CLIC5: variants seen among roughly 807,000 people sequenced by gnomAD.
The protein encoded by CLIC5 is CLIC family member 5, also known as chloride intracellular channel protein 5.
CLIC5 carries 20 observed loss-of-function variants against 24.7 expected under a neutral mutation model. The ratio of observed to expected loss-of-function variants is 0.81; its 90% confidence interval spans 0.57 to 1.18. CLIC5 has a LOEUF of 1.18. Among genes scored for constraint, CLIC5 ranks in the 50% most tolerant of loss-of-function variants. The probability of loss-of-function intolerance (pLI) is 0.00; values close to 1 mark genes in which losing one functional copy is unlikely to be tolerated. For missense variants in CLIC5, 341 were observed against 326.1 expected (o/e 1.05, Z -0.35); for synonymous variants, 159 against 135.6 (o/e 1.17, Z -1.20).
chr6:46,115,977 A>G, the CLIC5 span, among the ~76,000 whole-genome samples: 2 of 152,366 alleles, frequency 1.3e-5, no homozygotes, highest in African/African-American at 4.8e-5. Context: ...TTTGGATATA[A>G]TTATAAAAAC....
chr6:46,073,277 T>C (rs1293237160), intron 1 of CLIC5, among the ~76,000 whole-genome samples: 1 of 152,124 alleles, frequency 6.6e-6, no homozygotes, highest in Non-Finnish European at 1.5e-5. Context: ...TATACTAAAA[T>C]AACAATCAAA....
intron 1 of CLIC5, among the ~76,000 whole-genome samples, chr6:45,993,835 C>T (rs1416170): frequency 0.59 from 90,276 of 152,090 alleles, 27,148 homozygotes; most frequent in East Asian, 0.77. Flanking sequence ...CCCAAATACA[C>T]GAATTCTTTC....
chr6:45,951,683 G>T (rs1764472601), intron 2 of CLIC5, among the ~76,000 whole-genome samples: 1 of 152,184 alleles, frequency 6.6e-6, no homozygotes, highest in African/African-American at 2.4e-5. Context: ...TTCCAAGACG[G>T]TGCTGGGATT....
intron 4 of CLIC5, chr6:45,937,562 C>T (rs1335328004): frequency 6.6e-6 from 1 of 152,240 alleles, no homozygotes; most frequent in African/African-American, 2.4e-5. Flanking sequence ...TTACAGCTCC[C>T]TGTAGATTGT....
At chr6:46,071,997 C>T (rs544690856) in intron 1 of CLIC5, among the ~76,000 whole-genome samples, 1 of 152,172 alleles carries the variant, frequency 6.6e-6, no homozygotes, top group South Asian at 2.1e-4. Context: ...GAAAACCAAA[C>T]ACCGCATGCT....
At chr6:45,885,865 A>G (rs907186673) in intron 6 of CLIC5, among the ~76,000 whole-genome samples, 1 of 152,226 alleles carries the variant, frequency 6.6e-6, no homozygotes, top group African/African-American at 2.4e-5. Context: ...AAATGTGGAG[A>G]TGGCCTAAGA....
At chr6:46,098,850 T>C in the CLIC5 span, among the ~76,000 whole-genome samples, 1 of 152,092 alleles carries the variant, frequency 6.6e-6, no homozygotes, top group Admixed American at 6.5e-5. Context: ...GTTTTAAGTG[T>C]GAACTGGATT....
chr6:45,940,976 A>T (rs1764110053), intron 4 of CLIC5, among the ~76,000 whole-genome samples: 1 of 152,210 alleles, frequency 6.6e-6, no homozygotes, highest in Non-Finnish European at 1.5e-5. Context: ...TTCTGTAGCC[A>T]ATGTCAGAAA....
chr6:46,106,327 C>CA, the CLIC5 span, among the ~76,000 whole-genome samples: 1 of 152,144 alleles, frequency 6.6e-6, no homozygotes, highest in Non-Finnish European at 1.5e-5. Context: ...AGGATGGTCT[C>CA]AATCTCTTGA....
At chr6:46,037,937 G>A (rs1006227963) in intron 1 of CLIC5, among the ~76,000 whole-genome samples, 1 of 152,188 alleles carries the variant, frequency 6.6e-6, no homozygotes, top group African/African-American at 2.4e-5. Flanking sequence ...ATTACATTGA[G>A]AAGATTAGGC....
the CLIC5 span, among the ~76,000 whole-genome samples, chr6:46,118,694 T>C: frequency 6.6e-6 from 1 of 152,236 alleles, no homozygotes; most frequent in African/African-American, 2.4e-5. Flanking sequence ...ATCTCTCAAA[T>C]ATTTTCCAGG....
intron 5 of CLIC5, chr6:45,912,249 A>T: frequency 1.0e-6 from 1 of 989,968 alleles, no homozygotes; most frequent in South Asian, 4.6e-5. Flanking sequence ...CTGGATCAGC[A>T]GAAATCCAAA....
At chr6:46,033,164 T>C (rs933787858) in intron 1 of CLIC5, among the ~76,000 whole-genome samples, 1 of 151,642 alleles carries the variant, frequency 6.6e-6, no homozygotes, top group African/African-American at 2.4e-5. Flanking sequence ...AATTTTTGTG[T>C]TTTTAGTACC....
At chr6:45,933,134 T>C (rs1763802572) in intron 4 of CLIC5, among the ~76,000 whole-genome samples, 1 of 152,128 alleles carries the variant, frequency 6.6e-6, no homozygotes, top group South Asian at 2.1e-4. Context: ...ATGTGAGCCT[T>C]AGGGAGGTGG....
At chr6:46,011,643 G>A (rs539058644) in intron 1 of CLIC5, among the ~76,000 whole-genome samples, 1 of 152,312 alleles carries the variant, frequency 6.6e-6, no homozygotes, top group East Asian at 1.9e-4. Flanking sequence ...TCACTTCTGG[G>A]GTCCAGGGGT....
intron 1 of CLIC5, among the ~76,000 whole-genome samples, chr6:46,030,687 A>G (rs898086891): frequency 6.6e-6 from 1 of 152,172 alleles, no homozygotes; most frequent in Non-Finnish European, 1.5e-5. Context: ...TTGATTTCCT[A>G]CATGCACACC....
intron 1 of CLIC5, among the ~76,000 whole-genome samples, chr6:45,970,107 G>T (rs1345860538): frequency 6.6e-6 from 1 of 152,100 alleles, no homozygotes; most frequent in Non-Finnish European, 1.5e-5. Flanking sequence ...GCACATTAAA[G>T]GTCACAGGTC....
chr6:45,958,098 G>T (rs1222203610), intron 1 of CLIC5, among the ~76,000 whole-genome samples: 1 of 152,032 alleles, frequency 6.6e-6, no homozygotes, highest in Non-Finnish European at 1.5e-5. Flanking sequence ...TGAAGATGAG[G>T]TCATATTGGA....
At chr6:45,988,794 AT>A (rs1765829622) in intron 1 of CLIC5, among the ~76,000 whole-genome samples, 1 of 152,228 alleles carries the variant, frequency 6.6e-6, no homozygotes, top group Non-Finnish European at 1.5e-5. Flanking sequence ...GGCCCAGCCA[AT>A]AGTGTGAGCA....
Sources: gnomAD v4.1 joint callset for allele counts (sites outside exome capture counted in the v4.1 genomes callset) on GRCh38, gnomAD v4.1.1 for gene constraint, MANE v1.5 for transcripts, NCBI Gene and HGNC (gene_info 2026-07-23, HGNC 2026-07-21) for gene names.